Variants in CACNA1S observed in about 807,000 individuals in gnomAD.
CACNA1S encodes the protein voltage-dependent L-type calcium channel subunit alpha-1S.
CACNA1S carries 126 observed loss-of-function variants against 207.4 expected under a neutral mutation model. That is an observed-to-expected ratio of 0.61 (90% CI 0.53 to 0.70). CACNA1S has a LOEUF of 0.70. Ranked by LOEUF, CACNA1S falls within the 30% of genes least tolerant of loss-of-function variation. The pLI is 0.00. For missense variants in CACNA1S, 2,349 were observed against 2,422.8 expected, an observed-to-expected ratio of 0.97 and a Z score of 0.64; for synonymous variants, 960 against 932.7, an observed-to-expected ratio of 1.03 and a Z score of -0.53.
intron 29 of CACNA1S, 87 bp downstream of exon 29, chr1:201,054,418 G>T: frequency 7.3e-7 from 1 of 1,361,524 alleles, no homozygotes; most frequent in Non-Finnish European, 1.1e-6. Flanking sequence ...TCCACCCCAT[G>T]CAATCCACGC....
chr1:201,053,731 T>C lies in CACNA1S; in HGVS notation c.3667-144A>G. On this transcript the variant is annotated intron_variant, in intron 29 of 43. Coordinates refer to ENST00000362061, the MANE Select transcript of CACNA1S (RefSeq NM_000069.3). The surrounding 1 kb of genome is among the most constrained non-coding windows in gnomAD (Gnocchi z 5.1). ...CCAGCCCCGCCTCTGGCCCCTGCTG[T>C]CCACTAGTTCGGGACCATCCTTGGG... 1 of 848,676 alleles carries C rather than the reference T, an allele frequency of 1.2e-6. No individual in the cohort carries two copies. The highest frequency in any genetic ancestry group is 1.9e-6 in the Non-Finnish European group (1 of 535,604). 52.6% of individuals were successfully genotyped at this position (848,676 alleles called of 1,614,324 possible). A position where few individuals can be genotyped will look rare whatever the true frequency, so the allele number is the denominator to read the frequency against.
chr1:201,042,690 C>G (rs768427387), intron 40 of CACNA1S, among the ~76,000 whole-genome samples: 3 of 152,206 alleles, frequency 2.0e-5, no homozygotes, highest in Non-Finnish European at 4.4e-5. Flanking sequence ...ATTCCTGAGG[C>G]CTGGGGCTAA....
chr1:201,077,070 G>A lies in CACNA1S; in HGVS notation c.1677C>T (p.Ile559=), dbSNP rs372013296. ...VASLLNSIRS[I]ASLLLLLFLF... The stretch of plus-strand genomic sequence containing the variant: ...GGAAGAGCAGCAGCAGCAGGGAGGC[G>A]ATGGAGCGGATGGAGTTGAGCAGGG... Residue 559 remains isoleucine (I), a synonymous_variant, in exon 12 of 44, where the codon ATC becomes ATT. Coordinates refer to ENST00000362061, the MANE Select transcript of CACNA1S (RefSeq NM_000069.3). 30 of 1,614,076 alleles carry A rather than the reference G, an allele frequency of 1.9e-5. No homozygotes were observed. The highest frequency in any genetic ancestry group is 2.7e-5 in the African/African-American group (2 of 74,924).
rs1661693985 is a variant in CACNA1S at position 201,077,999 on chromosome 1, T to C, written c.1499A>G (p.Asp500Gly). Residue 500 changes from aspartate (D) to glycine (G), a missense_variant, in exon 11 of 44, where the codon GAC becomes GGC. Physicochemically the swap from Asp to Gly is moderately conservative, Grantham distance 94. Transcript: ENST00000362061. Reference sequence around the variant, plus strand: ...GATACCGCTACACACCACGAAGCAGTCGAAGCGGTTGAAGATAGACATGAA... The same window carrying C: ...GATACCGCTACACACCACGAAGCAGCCGAAGCGGTTGAAGATAGACATGAA... ...QYFMSIFNRFDCFVVCSGILE... is the reference protein window; with the variant it reads ...QYFMSIFNRFGCFVVCSGILE... 1 of 1,614,056 alleles carries C rather than the reference T, an allele frequency of 6.2e-7. No individual in the cohort carries two copies. Among genetic ancestry groups the C allele is most frequent in the South Asian group, 1.1e-5 (1 of 91,078 alleles).
intron 9 of CACNA1S, 108 bp from the exon 10 acceptor site, chr1:201,083,430 T>C: frequency 9.0e-7 from 1 of 1,114,776 alleles, no homozygotes; most frequent in Non-Finnish European, 1.4e-6. Context: ...ACCACCCCAC[T>C]TCCGCCAGCC....
chr1:201,057,790 C>G (rs1473989886), intron 28 of CACNA1S, among the ~76,000 whole-genome samples: 1 of 147,336 alleles, frequency 6.8e-6, no homozygotes, highest in Admixed American at 7.0e-5. Context: ...GAGGAGACTC[C>G]ATCTCTATAT....
intron 11 of CACNA1S, among the ~76,000 whole-genome samples, chr1:201,077,549 T>G (rs971490443): frequency 6.6e-6 from 1 of 151,898 alleles, no homozygotes; most frequent in Non-Finnish European, 1.5e-5. Flanking sequence ...CCTTCTTTCT[T>G]ATTTCCACCC....
chr1:201,092,167 C>T (rs1403083446), intron 3 of CACNA1S, 53 bp from the exon 4 acceptor site: 20 of 1,609,176 alleles, frequency 1.2e-5, no homozygotes, highest in Non-Finnish European at 1.7e-5. Context: ...AAGCCACTGC[C>T]CCAGTGGTCT....
chr1:201,065,554 A>G (rs1661208883), intron 22 of CACNA1S, among the ~76,000 whole-genome samples: 1 of 152,220 alleles, frequency 6.6e-6, no homozygotes, highest in Non-Finnish European at 1.5e-5. Context: ...ACCCTCTGCT[A>G]CCATTTCAGT....
intron 1 of CACNA1S, 114 bp from the exon 2 acceptor site, chr1:201,110,383 A>G: frequency 1.1e-6 from 1 of 900,786 alleles, no homozygotes; most frequent in East Asian, 2.5e-5. Flanking sequence ...GCTGCTGGAC[A>G]GGCTCATGGA....
chr1:201,047,414 AT>A, intron 37 of CACNA1S, 110 bp downstream of exon 37: 1 of 1,239,922 alleles, frequency 8.1e-7, no homozygotes, highest in Non-Finnish European at 1.2e-6. Context: ...TACCTAAGGC[AT>A]TTATGGAGGA....
chr1:201,078,417 C>T (rs577051099), intron 10 of CACNA1S, among the ~76,000 whole-genome samples: 1 of 150,238 alleles, frequency 6.7e-6, no homozygotes, highest in South Asian at 2.1e-4. Flanking sequence ...CCAGGCTGGT[C>T]TTGAACTCCT....
In CACNA1S at chr1:201,085,087, C is replaced by T. The variant is rs918220342; in HGVS notation, c.1151-56G>A. The T allele has an allele frequency of 4.8e-6, 6 of 1,261,162 alleles. No homozygotes were observed. The East Asian group carries it at 6.9e-5, about 15-fold the overall frequency. The allele number at this position is 1,261,162 out of a possible 1,614,324, so 78.1% of individuals were successfully genotyped here. ...CTTCGGGGCCCCTCTGGGCTGGACA[C>T]ACCTGGACTGGGCACCCGAGACAAG... On this transcript the variant is annotated intron_variant, in intron 8 of 43. Coordinates refer to ENST00000362061, the MANE Select transcript of CACNA1S (RefSeq NM_000069.3).
At chr1:201,072,083 C>T (rs1475425535) in intron 16 of CACNA1S, among the ~76,000 whole-genome samples, 1 of 152,168 alleles carries the variant, frequency 6.6e-6, no homozygotes, top group Non-Finnish European at 1.5e-5. Context: ...GGACCCAGGA[C>T]CCAGAGAGTT....
At chr1:201,096,639 G>A (rs1400395705) in intron 2 of CACNA1S, among the ~76,000 whole-genome samples, 1 of 152,186 alleles carries the variant, frequency 6.6e-6, no homozygotes, top group Non-Finnish European at 1.5e-5. Context: ...GCTGCTTTGG[G>A]CAAGTTCCTA....
At chr1:201,090,099 C>T (rs1662171516) in intron 5 of CACNA1S, among the ~76,000 whole-genome samples, 1 of 152,214 alleles carries the variant, frequency 6.6e-6, no homozygotes, top group Non-Finnish European at 1.5e-5. Flanking sequence ...ATTAGATTGG[C>T]TCATCAGAAC....
rs1382046589 is a variant in CACNA1S, at chr1:201,050,393, C to T, written c.4237G>A (p.Ala1413Thr). ...GAGCCTACAGATTGGACTCACTTAG[C>T]CTCTGGGTCATACTCTGCCCAGATG... The part of the protein sequence containing the change: ...KAIWAEYDPE[A>T]KGRIKHLDVV... The change falls in exon 34 of 44, where the codon GCT (alanine) becomes ACT (threonine). Residue 1413 changes from alanine to threonine, a missense_variant. By Grantham distance (58) the Ala-to-Thr change is moderately conservative. Coordinates refer to ENST00000362061, the MANE Select transcript of CACNA1S (RefSeq NM_000069.3). The T allele has an allele frequency of 6.2e-7, 1 of 1,614,038 alleles. No individual in the cohort carries two copies. Among genetic ancestry groups the T allele is most frequent in the East Asian group, 2.2e-5 (1 of 44,880 alleles).
At chr1:201,104,975 G>A (rs1662823121) in intron 2 of CACNA1S, among the ~76,000 whole-genome samples, 1 of 152,212 alleles carries the variant, frequency 6.6e-6, no homozygotes, top group Admixed American at 6.5e-5. Context: ...CATTCAGTGT[G>A]ATAACACATA....
At chr1:201,087,622 G>C (rs1662078425) in intron 7 of CACNA1S, among the ~76,000 whole-genome samples, 1 of 152,016 alleles carries the variant, frequency 6.6e-6, no homozygotes, top group Non-Finnish European at 1.5e-5. Flanking sequence ...CAACTGAGAT[G>C]ACAGGGAACC....
Sources: allele counts gnomAD v4.1 joint callset (sites outside exome capture counted in the v4.1 genomes callset), GRCh38; gene constraint gnomAD v4.1.1; non-coding constraint Gnocchi (gnomAD v3.1); transcripts MANE v1.5; gene names NCBI Gene and HGNC (gene_info 2026-07-23, HGNC 2026-07-21).